The following TRIM62 variants were observed in gnomAD, a reference collection of about 807,000 sequenced individuals.
TRIM62 encodes the protein tripartite motif containing 62.
TRIM62 carries 39 observed loss-of-function variants against 44.2 expected under a neutral mutation model. That is an observed-to-expected ratio of 0.88 (90% confidence interval 0.68 to 1.15). The LOEUF (loss-of-function observed/expected upper bound fraction) is 1.15, where lower values mean the gene tolerates loss of function less well. TRIM62 is among the 50% of genes most tolerant of loss of function. The pLI, the probability that TRIM62 is intolerant of heterozygous loss-of-function variation, is 0.00. For synonymous variants in TRIM62, 278 were observed against 292.3 expected, an observed-to-expected ratio of 0.95 and a Z score of 0.50; for missense variants, 544 against 665.5, an observed-to-expected ratio of 0.82 and a Z score of 2.01.
In TRIM62 at chr1:33,177,828, T is replaced by C. The variant is rs1045836789; in HGVS notation, c.408+3197A>G. ...CCTACTATAGCTGTCATTTATTGAG[T>C]GCTGTTAGGTGCCAAGTGCAGTACT... On this transcript the variant is annotated intron_variant, in intron 1 of 4. Transcript: ENST00000291416. This position sits in a 1 kb window ranked among gnomAD's most constrained non-coding sequence, Gnocchi z 4.1. Among the ~76,000 whole-genome samples, 10 of 152,176 alleles carry C rather than the reference T, an allele frequency of 6.6e-5. No homozygotes were observed. The highest frequency in any genetic ancestry group is 7.3e-5 in the Non-Finnish European group (5 of 68,028).
chr1:33,171,210 C>G (rs887204784), intron 1 of TRIM62, among the ~76,000 whole-genome samples: 1 of 152,174 alleles, frequency 6.6e-6, no homozygotes, highest in South Asian at 2.1e-4. Context: ...GAAACTGGAG[C>G]CTGATAAACT....
intron 4 of TRIM62, among the ~76,000 whole-genome samples, chr1:33,150,619 T>A (rs1645082850): frequency 6.6e-6 from 1 of 152,166 alleles, no homozygotes; most frequent in African/African-American, 2.4e-5. Context: ...GGACGGCCAC[T>A]GAGTTGGTGG....
At chr1:33,174,414 G>A (rs1381243829) in intron 1 of TRIM62, among the ~76,000 whole-genome samples, 1 of 152,120 alleles carries the variant, frequency 6.6e-6, no homozygotes, top group Non-Finnish European at 1.5e-5. Flanking sequence ...GAACTTCTGG[G>A]CTCAAGCAAT....
intron 4 of TRIM62, among the ~76,000 whole-genome samples, chr1:33,155,664 C>T (rs577372741): frequency 3.3e-5 from 5 of 152,264 alleles, no homozygotes; most frequent in Admixed American, 1.3e-4. Context: ...TCTGTGCCTC[C>T]GTTACTTATT....
chr1:33,171,986 T>G (rs1207145343), intron 1 of TRIM62, among the ~76,000 whole-genome samples: 2 of 152,160 alleles, frequency 1.3e-5, no homozygotes, highest in Non-Finnish European at 2.9e-5. Flanking sequence ...TTCACCATGT[T>G]GGTCAGGCTG....
At position 33,147,673 on chromosome 1, in the gene TRIM62, G is replaced by A. The variant is rs918477501; in HGVS notation, c.932C>T (p.Ser311Leu). The change falls in exon 5 of 5, where the codon TCG becomes TTG. Residue 311 changes from serine (S) to leucine (L), a missense_variant. Physicochemically the swap from Ser to Leu is moderately radical, Grantham distance 145. Transcript: ENST00000291416. This position sits in a 1 kb window ranked among gnomAD's most constrained non-coding sequence, Gnocchi z 8.1. Reference protein sequence around the residue: ...PGTAHQRLILSDDCTIVAYGN... With the variant: ...PGTAHQRLILLDDCTIVAYGN... ...GTAAGCCACAATGGTGCAGTCGTCC[G>A]ACAGGATCAGGCGCTGGTGGGCTGT... 8 of 1,613,676 alleles carry A rather than the reference G, an allele frequency of 5.0e-6. No individual in the cohort carries two copies. The highest frequency in any genetic ancestry group is 1.3e-5 in the African/African-American group (1 of 74,950).
intron 4 of TRIM62, among the ~76,000 whole-genome samples, chr1:33,148,544 A>T (rs1645051139): frequency 6.6e-6 from 1 of 152,190 alleles, no homozygotes; most frequent in South Asian, 2.1e-4. Context: ...CTATGACGAG[A>T]GGACCTGGCT....
In TRIM62 at chr1:33,147,719, C is replaced by T. The variant is rs535459037; in HGVS notation, c.886G>A (p.Ala296Thr). Reference protein sequence around the residue: ...LFQDIHPVPAALTLDPGTAHQ... With the variant: ...LFQDIHPVPATLTLDPGTAHQ... ...GCTGTGCCCGGGTCCAGGGTTAGGG[C>T]GGCTGGCACTGTGGGGGTTGGAGGA... Residue 296 changes from alanine to threonine, a missense_variant, in exon 5 of 5, where the codon GCC becomes ACC. Physicochemically the swap from Ala to Thr is moderately conservative, Grantham distance 58. Coordinates refer to ENST00000291416, the MANE Select transcript of TRIM62 (RefSeq NM_018207.3). This position sits in a 1 kb window ranked among gnomAD's most constrained non-coding sequence, Gnocchi z 8.1. 12 of 1,609,188 alleles carry T rather than the reference C, an allele frequency of 7.5e-6. 1 individual carries two copies. The South Asian group carries it at 7.7e-5, about 10-fold the overall frequency.
chr1:33,169,868 C>T (rs1024703558), intron 1 of TRIM62, among the ~76,000 whole-genome samples: 3 of 152,242 alleles, frequency 2.0e-5, no homozygotes, highest in African/African-American at 4.8e-5. Flanking sequence ...TGCAGACACA[C>T]TGAGCAGCTC....
At chr1:33,150,587 T>C (rs930467684) in intron 4 of TRIM62, among the ~76,000 whole-genome samples, 3 of 152,206 alleles carry the variant, frequency 2.0e-5, no homozygotes, top group African/African-American at 7.2e-5. Context: ...TCCAGGGACA[T>C]AGAAGACGGG....
At chr1:33,150,210 T>C (rs1645077352) in intron 4 of TRIM62, among the ~76,000 whole-genome samples, 1 of 152,222 alleles carries the variant, frequency 6.6e-6, no homozygotes, top group Non-Finnish European at 1.5e-5. Context: ...TTGCCTCTGT[T>C]CCTTGGGGTC....
rs368974828 is a variant in TRIM62, at chr1:33,181,199, G to C, written c.234C>G (p.Phe78Leu). 2 of 1,588,732 alleles carry C rather than the reference G, an allele frequency of 1.3e-6. No homozygotes were observed. The highest frequency in any genetic ancestry group is 8.5e-7 in the Non-Finnish European group (1 of 1,173,066). The change falls in exon 1 of 5, where the codon TTC becomes TTG. Residue 78 changes from phenylalanine (F) to leucine (L), a missense_variant. Phe to Leu is a conservative substitution (Grantham distance 22). Coordinates refer to ENST00000291416, the MANE Select transcript of TRIM62 (RefSeq NM_018207.3). The surrounding 1 kb of genome is among the most constrained non-coding windows in gnomAD (Gnocchi z 6.5). ...LANIVERYSS[F>L]PLDAILNARR... ...GCGCGTTGAGGATGGCGTCCAGCGGGAAGGAGCTGTAGCGCTCCACGATGT... is the reference window on the plus strand; with the variant it reads ...GCGCGTTGAGGATGGCGTCCAGCGGCAAGGAGCTGTAGCGCTCCACGATGT...
chr1:33,156,748 A>G (rs1335717278), intron 4 of TRIM62, among the ~76,000 whole-genome samples: 2 of 152,200 alleles, frequency 1.3e-5, no homozygotes, highest in Non-Finnish European at 2.9e-5. Context: ...CCTTTTCAGC[A>G]TCAGTGCTGA....
At chr1:33,162,132 T>C (rs1645276965) in intron 2 of TRIM62, among the ~76,000 whole-genome samples, 1 of 152,208 alleles carries the variant, frequency 6.6e-6, no homozygotes, top group African/African-American at 2.4e-5. Context: ...AGAGTGATCC[T>C]TCTAAAGTGC....
chr1:33,176,677 C>A, intron 1 of TRIM62: 1 of 410,972 alleles, frequency 2.4e-6, no homozygotes, highest in East Asian at 3.5e-5. Flanking sequence ...GGCTGGGAGA[C>A]AATTACCCAG....
Position 33,159,868 on chromosome 1 carries a change from T to C in TRIM62, c.581A>G (p.Lys194Arg), listed in dbSNP as rs772809701. 4.3e-6 allele frequency: 7 copies of C among 1,612,714 alleles called. No individual in the cohort carries two copies. The highest frequency in any genetic ancestry group is 8.5e-7 in the Non-Finnish European group (1 of 1,180,030). The stretch of plus-strand genomic sequence containing the variant: ...CGCCTCCAGCTCCTCTAGCATGGCC[T>C]TCTGGCGTTCACGCAGCAGCCGGTG... ...RLHRLLRERQKAMLEELEADT... is the reference protein window; with the variant it reads ...RLHRLLRERQRAMLEELEADT... Residue 194 changes from lysine (K) to arginine (R), a missense_variant, in exon 3 of 5, where the codon AAG (lysine) becomes AGG (arginine). By Grantham distance (26) the Lys-to-Arg change is conservative (BLOSUM62 2). Coordinates refer to ENST00000291416, the MANE Select transcript of TRIM62 (RefSeq NM_018207.3). The surrounding 1 kb of genome is among the most constrained non-coding windows in gnomAD (Gnocchi z 4.2).
intron 4 of TRIM62, among the ~76,000 whole-genome samples, chr1:33,155,201 A>G (rs1368602952): frequency 6.6e-6 from 1 of 151,342 alleles, no homozygotes; most frequent in Non-Finnish European, 1.5e-5. Context: ...CCTCCCGAGT[A>G]ATTGGGATTA....
At position 33,158,428 on chromosome 1, in the gene TRIM62, G is replaced by C. The variant is rs75229020; in HGVS notation, c.762-60C>G. On this transcript the variant is annotated intron_variant, in intron 3 of 4. Coordinates refer to ENST00000291416, the MANE Select transcript of TRIM62 (RefSeq NM_018207.3). Reference sequence around the variant, plus strand: ...GACTGGATTCCTGCCCCAATGCCAGGGGCCCCGCAGCCACCTTCAGGGCAG... The same window carrying C: ...GACTGGATTCCTGCCCCAATGCCAGCGGCCCCGCAGCCACCTTCAGGGCAG... 1.3e-3 allele frequency: 1,941 copies of C among 1,459,614 alleles called. 30 individuals carry two copies. The African/African-American group carries it at 0.024, about 18-fold the overall frequency. 90.4% of individuals were successfully genotyped at this position (1,459,614 alleles called of 1,614,324 possible). A position where few individuals can be genotyped will look rare whatever the true frequency, so the allele number is the denominator to read the frequency against.
chr1:33,174,042 T>C (rs1645394859), intron 1 of TRIM62, among the ~76,000 whole-genome samples: 1 of 152,152 alleles, frequency 6.6e-6, no homozygotes, highest in African/African-American at 2.4e-5. Flanking sequence ...AAAATATACA[T>C]ATATACCTTA....
Sources: gnomAD v4.1 joint callset for allele counts (sites outside exome capture counted in the v4.1 genomes callset) on GRCh38, gnomAD v4.1.1 for gene constraint, Gnocchi (gnomAD v3.1) non-coding constraint, MANE v1.5 for transcripts, NCBI Gene and HGNC (gene_info 2026-07-23, HGNC 2026-07-21) for gene names.